Variants in CORO7 observed in about 807,000 individuals in gnomAD.
CORO7 encodes coronin-7.
In CORO7, 107 loss-of-function variants were observed where a neutral mutation model predicts 126.6. The ratio of observed to expected loss-of-function variants is 0.85; its 90% CI spans 0.72 to 0.99. CORO7 has a LOEUF of 0.99. CORO7 is among the 50% of genes least tolerant of loss of function. The pLI, the probability that CORO7 is intolerant of heterozygous loss-of-function variation, is 0.00. For synonymous variants in CORO7, 603 were observed against 536.8 expected (o/e 1.12, Z -1.70); for missense variants, 1,314 against 1,255.8 (o/e 1.05, Z -0.70).
At chr16:4,369,519 C>T (rs981163594) in intron 9 of CORO7, among the ~76,000 whole-genome samples, 3 of 152,220 alleles carry the variant, frequency 2.0e-5, no homozygotes, top group African/African-American at 7.2e-5. Flanking sequence ...CAGATCTGCC[C>T]CCGCCCCTCA....
chr16:4,399,876 T>G (rs888386476), intron 6 of CORO7, among the ~76,000 whole-genome samples: 4 of 152,036 alleles, frequency 2.6e-5, no homozygotes, highest in Non-Finnish European at 5.9e-5. Flanking sequence ...ATGATATGTG[T>G]TTTCTTACCA....
intron 9 of CORO7, among the ~76,000 whole-genome samples, chr16:4,377,710 G>C (rs1183452974): frequency 6.6e-6 from 1 of 152,190 alleles, no homozygotes; most frequent in Non-Finnish European, 1.5e-5. Flanking sequence ...TGCCCTCAGA[G>C]CTGCCAGCCT....
Position 4,357,750 on chromosome 16 carries a change from T to TGC in CORO7, c.2593+216_2593+217dup, listed in dbSNP as rs1033807157. The TGC allele has an allele frequency of 4.1e-6, 3 of 728,556 alleles. No homozygotes were observed. In the African/African-American group the frequency reaches 5.5e-5, roughly 13 times the overall value. The allele number at this position is 728,556 out of a possible 1,614,324, so 45.1% of individuals were successfully genotyped here. A position where few individuals can be genotyped will look rare whatever the true frequency, so the allele number is the denominator to read the frequency against. The stretch of plus-strand genomic sequence containing the variant: ...GCCCTGCCCTAGACACCACAGTGTG[T>TGC]GCGTGTGTGTGTGTGTTAGGGGTGG... On this transcript the variant is annotated intron_variant, in intron 25 of 27. Transcript: ENST00000251166.
chr16:4,359,162 G>T, intron 23 of CORO7, 134 bp downstream of exon 23: 2 of 974,306 alleles, frequency 2.1e-6, no homozygotes, highest in Non-Finnish European at 2.9e-6. Flanking sequence ...CAGTCACTGG[G>T]CACAGCCCCA....
chr16:4,366,813 G>T (rs1449167012), intron 9 of CORO7, among the ~76,000 whole-genome samples: 3 of 152,124 alleles, frequency 2.0e-5, no homozygotes, highest in African/African-American at 7.2e-5. Flanking sequence ...AAAGTGCTAG[G>T]ATTATAGGCA....
At chr16:4,412,512 C>A in intron 2 of CORO7, 82 bp from the exon 3 acceptor site, 6 of 1,486,948 alleles carry the variant, frequency 4.0e-6, no homozygotes, top group Non-Finnish European at 4.7e-6. Context: ...GAGATGAAAT[C>A]CAGCAGCTCA....
At chr16:4,407,411 A>C in intron 5 of CORO7, 90 bp downstream of exon 5, 1 of 1,446,706 alleles carries the variant, frequency 6.9e-7, no homozygotes, top group East Asian at 2.5e-5. Flanking sequence ...ATCTGTTTTT[A>C]AATTTATGTG....
chr16:4,357,579 C>T (rs2054018049), intron 25 of CORO7: 2 of 333,038 alleles, frequency 6.0e-6, no homozygotes, highest in South Asian at 8.2e-5. Context: ...TGGTCTCAAA[C>T]CCCCGACCTC....
Position 4,358,407 on chromosome 16 carries a change from G to C in CORO7, c.2417C>G (p.Ser806Cys), listed in dbSNP as rs1377470352. ...ELMRCLRLRQ[S>C]SLEPVAFRLP... The stretch of plus-strand genomic sequence containing the variant: ...CCGGAAGGCCACAGGCTCCAGGGAG[G>C]ACTGACGCAGCCGCAGGCACCGCAT... The change falls in exon 24 of 28, where the codon TCC becomes TGC. Residue 806 changes from serine to cysteine, a missense_variant. Ser to Cys is a moderately radical substitution (Grantham distance 112). Coordinates refer to ENST00000251166, the MANE Select transcript of CORO7 (RefSeq NM_024535.5). 4 of 1,612,592 alleles carry C rather than the reference G, an allele frequency of 2.5e-6. No individual in the cohort carries two copies. The highest frequency in any genetic ancestry group is 2.5e-6 in the Non-Finnish European group (3 of 1,179,750).
chr16:4,364,200 G>T (rs1273809960), intron 14 of CORO7, 76 bp downstream of exon 14: 2 of 1,406,458 alleles, frequency 1.4e-6, no homozygotes, highest in Non-Finnish European at 9.3e-7. Context: ...AAAAAAAAAG[G>T]CCGTTCAGCC....
intron 9 of CORO7, 45 bp from the exon 10 acceptor site, chr16:4,365,590 C>G (rs2054324302): frequency 6.4e-7 from 1 of 1,554,550 alleles, no homozygotes; most frequent in Non-Finnish European, 8.7e-7. Flanking sequence ...AGTGGGAGGG[C>G]TGCCAGACTC....
In CORO7 at chr16:4,361,187, G is replaced by A. The variant is rs371028393; in HGVS notation, c.1749C>T (p.Leu583=). Residue 583 remains leucine, a synonymous_variant, in exon 18 of 28, where the codon CTC becomes CTT. Coordinates refer to ENST00000251166, the MANE Select transcript of CORO7 (RefSeq NM_024535.5). Reference sequence around the variant, plus strand: ...CTGTGAGCACAGTCTCTGGCGTGGTGAGCACCTCTTCCAGGCCCTCTGCGG... The same window carrying A: ...CTGTGAGCACAGTCTCTGGCGTGGTAAGCACCTCTTCCAGGCCCTCTGCGG... ...RVPAEGLEEV[L]TTPETVLTGH... is the part of the protein sequence containing the mutation. 3.1e-6 allele frequency: 5 copies of A among 1,612,562 alleles called. No individual in the cohort carries two copies. The highest frequency in any genetic ancestry group is 2.2e-5 in the East Asian group (1 of 44,886).
intron 14 of CORO7, among the ~76,000 whole-genome samples, chr16:4,363,903 C>T (rs1250107200): frequency 2.0e-5 from 3 of 152,196 alleles, no homozygotes; most frequent in Admixed American, 6.5e-5. Context: ...CCTGTAATCT[C>T]ACCTACTCGG....
intron 1 of CORO7, 78 bp from the exon 2 acceptor site, chr16:4,413,482 C>T: frequency 7.3e-7 from 1 of 1,374,596 alleles, no homozygotes; most frequent in Non-Finnish European, 1.0e-6. Context: ...AGAGGTGGGG[C>T]ATAATCTGGG....
In CORO7 at chr16:4,362,607, CT is replaced by C; in HGVS notation, c.1402+4del. ...AGGGGTGAGCTCCCCGTCCTGCCTC[CT>C]TACCCAGCAGGCTCTGCAGCGACCT... On this transcript the variant is annotated splice_donor_region_variant and intron_variant, in intron 15 of 27. Coordinates refer to ENST00000251166, the MANE Select transcript of CORO7 (RefSeq NM_024535.5). This position sits in a 1 kb window ranked among gnomAD's most constrained non-coding sequence, Gnocchi z 5.3. The C allele has an allele frequency of 6.4e-7, 1 of 1,554,666 alleles. No homozygotes were observed. The highest frequency in any genetic ancestry group is 8.7e-7 in the Non-Finnish European group (1 of 1,153,668).
At chr16:4,380,615 T>C (rs1399990919) in intron 9 of CORO7, among the ~76,000 whole-genome samples, 1 of 151,942 alleles carries the variant, frequency 6.6e-6, no homozygotes, top group African/African-American at 2.4e-5. Flanking sequence ...GAGGAAGCAG[T>C]GCATGGTCAC....
intron 9 of CORO7, among the ~76,000 whole-genome samples, chr16:4,377,415 A>C (rs551493185): frequency 1.4e-4 from 21 of 152,140 alleles, no homozygotes; most frequent in Non-Finnish European, 2.9e-4. Flanking sequence ...CCCCACGCAC[A>C]CACCAAGCAC....
intron 9 of CORO7, among the ~76,000 whole-genome samples, chr16:4,384,848 G>T (rs987715009): frequency 6.6e-6 from 1 of 152,188 alleles, no homozygotes; most frequent in Non-Finnish European, 1.5e-5. Context: ...TGCCTCCCCC[G>T]GCCCGTGGCT....
intron 6 of CORO7, among the ~76,000 whole-genome samples, chr16:4,396,726 A>C (rs958049118): frequency 2.6e-5 from 4 of 152,118 alleles, no homozygotes. Context: ...GAAATGAAAA[A>C]CACCACCAGC....
Sources: gnomAD v4.1 joint callset for allele counts (sites outside exome capture counted in the v4.1 genomes callset) on GRCh38, gnomAD v4.1.1 for gene constraint, Gnocchi (gnomAD v3.1) non-coding constraint, MANE v1.5 for transcripts, NCBI Gene and HGNC (gene_info 2026-07-23, HGNC 2026-07-21) for gene names.